The following UGT1A9 variants were observed in gnomAD, a reference collection of about 807,000 sequenced individuals.
The protein encoded by UGT1A9 is UDP-glucuronosyltransferase 1A9.
In UGT1A9, 35 loss-of-function variants were observed where a neutral mutation model predicts 45.0. The observed-to-expected ratio is 0.78, with a 90% confidence interval of 0.59 to 1.03. The LOEUF is 1.03. Among genes scored for constraint, UGT1A9 ranks in the 50% least tolerant of loss-of-function variants. UGT1A9 has a pLI of 0.00. For synonymous variants in UGT1A9, 278 were observed against 250.6 expected, an observed-to-expected ratio of 1.11 and a Z score of -1.03; for missense variants, 687 against 666.6, an observed-to-expected ratio of 1.03 and a Z score of -0.34.
chr2:233,698,256 C>T (rs987138745), intron 1 of UGT1A9, among the ~76,000 whole-genome samples: 2 of 151,944 alleles, frequency 1.3e-5, no homozygotes, highest in South Asian at 4.1e-4. Context: ...TTCTTTTGTC[C>T]AATAATCAAA....
intron 1 of UGT1A9, among the ~76,000 whole-genome samples, chr2:233,675,494 T>C (rs1410065529): frequency 1.3e-5 from 2 of 152,156 alleles, no homozygotes; most frequent in East Asian, 3.8e-4. Context: ...GGGGGTGGGA[T>C]ATGGTTACAG....
At position 233,768,395 on chromosome 2, in the gene UGT1A9, T is replaced by A; in HGVS notation, c.1251T>A (p.Ser417=). 1 of 1,614,130 alleles carries A rather than the reference T, an allele frequency of 6.2e-7. No individual in the cohort carries two copies. Among genetic ancestry groups the A allele is most frequent in the Non-Finnish European group, 8.5e-7 (1 of 1,180,032 alleles). Residue 417 remains serine, a synonymous_variant, in exon 4 of 5, where the codon TCT becomes TCA. Coordinates refer to ENST00000354728, the MANE Select transcript of UGT1A9 (RefSeq NM_021027.3). The part of the protein sequence containing the change: ...GVTLNVLEMT[S]EDLENALKAV... ...CCCTGAATGTTCTGGAAATGACTTC[T>A]GAAGATTTAGAAAATGCTCTAAAAG... is the stretch of plus-strand genomic sequence containing the variant.
At position 233,679,554 on chromosome 2, in the gene UGT1A9, T is replaced by G. The variant is rs116184103; in HGVS notation, c.855+6765T>G. Among the ~76,000 whole-genome samples the G allele has an allele frequency of 3.6e-3, 555 of 152,294 alleles. 6 individuals are homozygous for G. The highest frequency in any genetic ancestry group is 0.013 in the African/African-American group (531 of 41,562). On this transcript the variant is annotated intron_variant, in intron 1 of 4. Transcript: ENST00000354728. The stretch of plus-strand genomic sequence containing the variant: ...ATGTCTTTTGTGTCATCTTTTTTTT[T>G]GTTTGTTTGTTTTTGTTTTTTCCAG...
chr2:233,691,032 C>A (rs2075025679), intron 1 of UGT1A9: 1 of 990,630 alleles, frequency 1.0e-6, no homozygotes, highest in Non-Finnish European at 1.2e-6. Flanking sequence ...AGGGCTCAGA[C>A]CAACGTCCAC....
chr2:233,697,037 C>CT (rs533697413), intron 1 of UGT1A9, among the ~76,000 whole-genome samples: 10 of 150,934 alleles, frequency 6.6e-5, no homozygotes, highest in South Asian at 2.1e-4. Flanking sequence ...CCGCAGTTTT[C>CT]TTTTTTTTTG....
At chr2:233,700,633 T>C (rs2075577336) in intron 1 of UGT1A9, among the ~76,000 whole-genome samples, 1 of 152,220 alleles carries the variant, frequency 6.6e-6, no homozygotes, top group African/African-American at 2.4e-5. Context: ...TAAGATTTAA[T>C]GACTTTAAGT....
At chr2:233,708,161 G>A (rs1416561336) in intron 1 of UGT1A9, among the ~76,000 whole-genome samples, 8 of 152,136 alleles carry the variant, frequency 5.3e-5, no homozygotes, top group Admixed American at 3.9e-4. Flanking sequence ...GGGAGTTGCC[G>A]GAAAATGGAC....
intron 1 of UGT1A9, among the ~76,000 whole-genome samples, chr2:233,679,021 C>A (rs975466167): frequency 6.6e-6 from 1 of 152,166 alleles, no homozygotes; most frequent in Admixed American, 6.5e-5. Flanking sequence ...GTGGTGTAAT[C>A]CTTCTGGACT....
chr2:233,765,693 AAAT>A (rs1266056248), intron 1 of UGT1A9, among the ~76,000 whole-genome samples: 9 of 147,360 alleles, frequency 6.1e-5, no homozygotes, highest in East Asian at 2.0e-4. Flanking sequence ...AACTTCAAGT[AAAT>A]AATAATAATA....
intron 1 of UGT1A9, among the ~76,000 whole-genome samples, chr2:233,724,362 A>T (rs1231465010): frequency 6.9e-6 from 1 of 144,202 alleles, no homozygotes; most frequent in African/African-American, 2.6e-5. Context: ...TCCCTCCCGG[A>T]CGGGGTGGCT....
chr2:233,719,768 T>C, intron 1 of UGT1A9: 1 of 1,611,854 alleles, frequency 6.2e-7, no homozygotes. Flanking sequence ...AGTGCTTCCA[T>C]ATCTACTTAT....
chr2:233,687,313 T>G (rs2074832354), intron 1 of UGT1A9, among the ~76,000 whole-genome samples: 1 of 152,142 alleles, frequency 6.6e-6, no homozygotes, highest in African/African-American at 2.4e-5. Context: ...TGTTGTCTTC[T>G]TGATGCAAGT....
chr2:233,720,006 T>C (rs1403033451), intron 1 of UGT1A9, among the ~76,000 whole-genome samples: 1 of 152,190 alleles, frequency 6.6e-6, no homozygotes, highest in Non-Finnish European at 1.5e-5. Context: ...CATTCAGAAC[T>C]GATCCATCCT....
At chr2:233,767,405 A>G (rs1699388437) in intron 2 of UGT1A9, among the ~76,000 whole-genome samples, 1 of 152,206 alleles carries the variant, frequency 6.6e-6, no homozygotes, top group Admixed American at 6.5e-5. Flanking sequence ...ATTTTCTCTA[A>G]GAGACTCAAA....
chr2:233,751,170 A>T (rs1445268336), intron 1 of UGT1A9, among the ~76,000 whole-genome samples: 1 of 151,986 alleles, frequency 6.6e-6, no homozygotes. Flanking sequence ...CATGACCTAG[A>T]TATGAGACAT....
chr2:233,675,793 T>G (rs1683773220), intron 1 of UGT1A9, among the ~76,000 whole-genome samples: 1 of 152,206 alleles, frequency 6.6e-6, no homozygotes, highest in Non-Finnish European at 1.5e-5. Flanking sequence ...AATTTGTATG[T>G]TTTTAAAAAG....
chr2:233,723,392 T>C (rs1199723178), intron 1 of UGT1A9, among the ~76,000 whole-genome samples: 1 of 129,940 alleles, frequency 7.7e-6, no homozygotes, highest in Non-Finnish European at 1.6e-5. Context: ...GTACTTTTAG[T>C]AGAGATGGGG....
intron 1 of UGT1A9, among the ~76,000 whole-genome samples, chr2:233,679,943 C>A (rs944629060): frequency 1.3e-5 from 2 of 152,082 alleles, no homozygotes; most frequent in African/African-American, 2.4e-5. Flanking sequence ...CAAAAAGATG[C>A]GAGGTTTGGC....
At chr2:233,719,660 C>T (rs1180675848) in intron 1 of UGT1A9, 1 of 1,614,116 alleles carries the variant, frequency 6.2e-7, no homozygotes, top group South Asian at 1.1e-5. Flanking sequence ...GGGGCATCAA[C>T]TGTGCCAACG....
Sources: gnomAD v4.1 joint callset for allele counts (sites outside exome capture counted in the v4.1 genomes callset) on GRCh38, gnomAD v4.1.1 for gene constraint, MANE v1.5 for transcripts, NCBI Gene and HGNC (gene_info 2026-07-23, HGNC 2026-07-21) for gene names.